SPAG16: variants seen among roughly 807,000 people sequenced by gnomAD.
SPAG16 encodes the protein sperm associated antigen 16.
In SPAG16, 86 loss-of-function variants were observed where a neutral mutation model predicts 80.4. The ratio of observed to expected loss-of-function variants is 1.07; its 90% CI spans 0.90 to 1.28. SPAG16 has a LOEUF of 1.28. SPAG16 is among the 50% of genes most tolerant of loss of function. The probability of loss-of-function intolerance (pLI) is 0.00; values close to 1 mark genes in which losing one functional copy is unlikely to be tolerated. For synonymous variants in SPAG16, 294 were observed against 265.9 expected (o/e 1.11, Z -1.03); for missense variants, 870 against 765.3 (o/e 1.14, Z -1.61).
intron 9 of SPAG16, among the ~76,000 whole-genome samples, chr2:213,404,969 C>T (rs11690986): frequency 0.22 from 33,487 of 152,112 alleles, 4,534 homozygotes; most frequent in Non-Finnish European, 0.31. Context: ...CTCCAAATTG[C>T]AGTTCTGGTT....
intron 9 of SPAG16, among the ~76,000 whole-genome samples, chr2:213,457,932 A>G (rs536717798): frequency 7.7e-6 from 1 of 129,872 alleles, no homozygotes; most frequent in East Asian, 2.2e-4. Context: ...TTCTTATTCT[A>G]TTTTTCCTCT....
intron 14 of SPAG16, among the ~76,000 whole-genome samples, chr2:214,124,698 A>G (rs968246617): frequency 6.6e-6 from 1 of 151,840 alleles, no homozygotes; most frequent in African/African-American, 2.4e-5. Context: ...GTGAGTCCAT[A>G]CTTGAAGAAG....
chr2:213,355,819 A>G (rs568598850), intron 7 of SPAG16, among the ~76,000 whole-genome samples: 1 of 152,178 alleles, frequency 6.6e-6, no homozygotes, highest in Non-Finnish European at 1.5e-5. Flanking sequence ...CGCAGGGACA[A>G]TTTGACTCCC....
At chr2:213,583,520 A>G (rs1041353844) in intron 10 of SPAG16, among the ~76,000 whole-genome samples, 1 of 152,184 alleles carries the variant, frequency 6.6e-6, no homozygotes, top group African/African-American at 2.4e-5. Context: ...ACATGTGTGT[A>G]TAATGCTTCA....
intron 3 of SPAG16, among the ~76,000 whole-genome samples, chr2:213,299,431 G>A (rs1002931373): frequency 6.4e-5 from 5 of 78,162 alleles, no homozygotes; most frequent in Non-Finnish European, 1.5e-4. Flanking sequence ...CCACCACACC[G>A]AGCTAATTTT....
intron 13 of SPAG16, among the ~76,000 whole-genome samples, chr2:214,080,129 G>A (rs1559767330): frequency 6.6e-6 from 1 of 152,064 alleles, no homozygotes; most frequent in African/African-American, 2.4e-5. Flanking sequence ...CTTAATAAAT[G>A]ACACATACAG....
chr2:213,512,046 T>C (rs539323117), intron 10 of SPAG16, among the ~76,000 whole-genome samples: 2 of 152,272 alleles, frequency 1.3e-5, no homozygotes, highest in East Asian at 3.9e-4. Flanking sequence ...GCACAGATTA[T>C]ATTTTAGCTT....
intron 10 of SPAG16, among the ~76,000 whole-genome samples, chr2:213,548,146 TA>T (rs2076672361): frequency 6.6e-6 from 1 of 152,218 alleles, no homozygotes; most frequent in Non-Finnish European, 1.5e-5. Flanking sequence ...AGATTTCCAC[TA>T]TTGTATCATT....
At chr2:213,530,991 T>C (rs1276785117) in intron 10 of SPAG16, among the ~76,000 whole-genome samples, 1 of 152,200 alleles carries the variant, frequency 6.6e-6, no homozygotes, top group African/African-American at 2.4e-5. Flanking sequence ...TAATCTTTTT[T>C]AATTCCTGAA....
intron 13 of SPAG16, among the ~76,000 whole-genome samples, chr2:214,026,103 G>T (rs2125027335): frequency 6.6e-6 from 1 of 151,508 alleles, no homozygotes; most frequent in Non-Finnish European, 1.5e-5. Flanking sequence ...AGTAGAATTT[G>T]TTTGTCCAAA....
chr2:213,849,529 T>C (rs1363795384), intron 10 of SPAG16, among the ~76,000 whole-genome samples: 1 of 152,222 alleles, frequency 6.6e-6, no homozygotes, highest in Non-Finnish European at 1.5e-5. Flanking sequence ...AAAAAAGTCA[T>C]TATTTATATG....
intron 15 of SPAG16, among the ~76,000 whole-genome samples, chr2:214,206,345 T>G (rs1205367610): frequency 6.6e-6 from 1 of 152,210 alleles, no homozygotes. Context: ...ATTAACGTTT[T>G]TAGCTGCCAC....
rs571688587 is a variant in SPAG16, at chr2:213,661,146, A to C, written c.1070+171056A>C. Among the ~76,000 whole-genome samples the C allele has an allele frequency of 1.5e-4, 23 of 152,338 alleles. No homozygotes were observed. The East Asian group carries it at 4.2e-3, about 28-fold the overall frequency. On this transcript the variant is annotated intron_variant, in intron 10 of 15. Transcript: ENST00000331683. ...TCACCATGTGTTTGTGTAATATTAC[A>C]TACCACCACTTTTATCTTAAATATA...
intron 9 of SPAG16, among the ~76,000 whole-genome samples, chr2:213,407,306 C>T (rs1328570050): frequency 1.3e-5 from 2 of 151,982 alleles, no homozygotes; most frequent in Admixed American, 6.6e-5. Flanking sequence ...AGGCAAGACA[C>T]CCCCTGGTTT....
intron 10 of SPAG16, among the ~76,000 whole-genome samples, chr2:213,544,303 G>A (rs1013194260): frequency 6.6e-6 from 1 of 151,900 alleles, no homozygotes; most frequent in African/African-American, 2.4e-5. Flanking sequence ...TATTCTGTGA[G>A]TACAATACCT....
chr2:214,375,587 C>T (rs759256958), intron 15 of SPAG16, among the ~76,000 whole-genome samples: 5 of 152,098 alleles, frequency 3.3e-5, no homozygotes, highest in Admixed American at 6.6e-5. Context: ...AAGAAAAAAT[C>T]GCTGTGCAGC....
intron 15 of SPAG16, among the ~76,000 whole-genome samples, chr2:214,290,180 T>G (rs1301415763): frequency 6.6e-6 from 1 of 152,224 alleles, no homozygotes; most frequent in Non-Finnish European, 1.5e-5. Flanking sequence ...CATCCATTTC[T>G]TCTAGGTTTT....
intron 10 of SPAG16, among the ~76,000 whole-genome samples, chr2:213,516,479 G>A (rs2075427526): frequency 6.6e-6 from 1 of 152,014 alleles, no homozygotes; most frequent in South Asian, 2.1e-4. Context: ...CCTCTGGAAG[G>A]TCTGACTCCA....
intron 11 of SPAG16, among the ~76,000 whole-genome samples, chr2:213,879,917 C>T (rs2106023115): frequency 6.6e-6 from 1 of 152,202 alleles, no homozygotes; most frequent in East Asian, 1.9e-4. Context: ...CTTTTCTTTG[C>T]TATTGTGAAA....
Sources: allele counts gnomAD v4.1 joint callset (sites outside exome capture counted in the v4.1 genomes callset), GRCh38; gene constraint gnomAD v4.1.1; transcripts MANE v1.5; gene names NCBI Gene and HGNC (gene_info 2026-07-23, HGNC 2026-07-21).